PTGFR: variants seen among roughly 807,000 people sequenced by gnomAD.
The protein encoded by PTGFR is prostaglandin F receptor.
Under a neutral mutation model 26.2 loss-of-function variants are expected in PTGFR, and 15 were observed. The ratio of observed to expected loss-of-function variants is 0.57; its 90% confidence interval spans 0.38 to 0.88. PTGFR has a LOEUF of 0.88. Ranked by LOEUF, PTGFR falls within the 40% of genes least tolerant of loss-of-function variation. The pLI, the probability that PTGFR is intolerant of heterozygous loss-of-function variation, is 0.00. For missense variants in PTGFR, 369 were observed against 427.2 expected, an observed-to-expected ratio of 0.86 and a Z score of 1.20; for synonymous variants, 165 against 151.1, an observed-to-expected ratio of 1.09 and a Z score of -0.68.
At chr1:78,528,398 AT>A (rs1174216566) in intron 2 of PTGFR, among the ~76,000 whole-genome samples, 1 of 151,260 alleles carries the variant, frequency 6.6e-6, no homozygotes, top group Non-Finnish European at 1.5e-5. Context: ...AACTGAACTA[AT>A]TTTAGTGAAA....
chr1:78,511,219 C>A (rs965198169), intron 2 of PTGFR, among the ~76,000 whole-genome samples: 11 of 152,180 alleles, frequency 7.2e-5, no homozygotes, highest in Non-Finnish European at 1.3e-4. Context: ...GGGGCTCCAA[C>A]CCAAAACTTT....
intron 2 of PTGFR, among the ~76,000 whole-genome samples, chr1:78,497,512 T>A (rs1349627105): frequency 6.6e-6 from 1 of 152,174 alleles, no homozygotes; most frequent in Non-Finnish European, 1.5e-5. Context: ...TGAGAAACAT[T>A]TTCTCAATAT....
intron 2 of PTGFR, among the ~76,000 whole-genome samples, chr1:78,515,290 C>A (rs1650067585): frequency 6.6e-6 from 1 of 152,048 alleles, no homozygotes; most frequent in Admixed American, 6.5e-5. Context: ...CTATACCACC[C>A]AACCTGAAGA....
rs879522256 is a variant in PTGFR, at chr1:78,493,137, G to A, written c.394G>A (p.Glu132Lys). 6.4e-5 allele frequency: 103 copies of A among 1,614,210 alleles called. No homozygotes were observed. The East Asian group carries it at 2.2e-3, about 35-fold the overall frequency. ...PLLLGSVMAI[E>K]RCIGVTKPIF... ...TCTTCTAGGCAGTGTGATGGCCATT[G>A]AGCGGTGTATTGGAGTCACAAAACC... Residue 132 changes from glutamate to lysine, a missense_variant, in exon 2 of 3, where the codon GAG becomes AAG. Physicochemically the swap from Glu to Lys is moderately conservative, Grantham distance 56 (BLOSUM62 1). Transcript: ENST00000370757.
rs1003504004 is a variant in PTGFR, at chr1:78,497,986, T to C, written c.798+4445T>C. 3.5e-6 allele frequency: 5 copies of C among 1,432,496 alleles called. No individual in the cohort carries two copies. In the African/African-American group the frequency reaches 5.7e-5, roughly 16 times the overall value. The allele number at this position is 1,432,496 out of a possible 1,614,324, so 88.7% of individuals were successfully genotyped here. Reference sequence around the variant, plus strand: ...AATGTGTTCTCTTGCAAATGTAGAATTGGAGCTTGATTTTCCTAAGGTTAC... The same window carrying C: ...AATGTGTTCTCTTGCAAATGTAGAACTGGAGCTTGATTTTCCTAAGGTTAC... On this transcript the variant is annotated intron_variant, in intron 2 of 2. Coordinates refer to ENST00000370757, the MANE Select transcript of PTGFR (RefSeq NM_000959.4).
intron 2 of PTGFR, among the ~76,000 whole-genome samples, chr1:78,495,601 A>C (rs1296594523): frequency 6.6e-6 from 1 of 152,218 alleles, no homozygotes; most frequent in African/African-American, 2.4e-5. Flanking sequence ...TGAGAGACAT[A>C]ATCCGGACAA....
chr1:78,531,065 T>TA (rs1299475885), intron 2 of PTGFR, among the ~76,000 whole-genome samples: 29 of 152,288 alleles, frequency 1.9e-4, no homozygotes, highest in African/African-American at 6.7e-4. Flanking sequence ...CTCCTGTGCC[T>TA]AAGCCACCCC....
At chr1:78,503,069 T>C (rs1649748564) in intron 2 of PTGFR, among the ~76,000 whole-genome samples, 1 of 151,990 alleles carries the variant, frequency 6.6e-6, no homozygotes, top group African/African-American at 2.4e-5. Flanking sequence ...TAAGAACCAA[T>C]GAGAAAATAA....
At chr1:78,515,241 A>G (rs1029090900) in intron 2 of PTGFR, among the ~76,000 whole-genome samples, 16 of 152,290 alleles carry the variant, frequency 1.1e-4, no homozygotes, top group African/African-American at 3.8e-4. Context: ...TGGGTAGAGG[A>G]AGAAAACTGG....
chr1:78,535,053 T>C (rs1650612668), intron 2 of PTGFR, among the ~76,000 whole-genome samples: 1 of 152,156 alleles, frequency 6.6e-6, no homozygotes, highest in African/African-American at 2.4e-5. Flanking sequence ...GCTTGGGCAG[T>C]GCCCTAGTGT....
chr1:78,501,339 C>T (rs1311275366), intron 2 of PTGFR, among the ~76,000 whole-genome samples: 1 of 152,052 alleles, frequency 6.6e-6, no homozygotes, highest in East Asian at 1.9e-4. Flanking sequence ...GTATAGCCAC[C>T]CCAATTTAAC....
intron 2 of PTGFR, among the ~76,000 whole-genome samples, chr1:78,527,966 T>C (rs3737779): frequency 6.6e-6 from 1 of 152,022 alleles, no homozygotes; most frequent in East Asian, 1.9e-4. Context: ...TCCGAAACAG[T>C]TGAAGGATGA....
chr1:78,491,669 C>T (rs1384002915), intron 1 of PTGFR, among the ~76,000 whole-genome samples: 1 of 152,066 alleles, frequency 6.6e-6, no homozygotes, highest in African/African-American at 2.4e-5. Flanking sequence ...GGCCGAAGGG[C>T]GGGGGGGATA....
chr1:78,515,978 G>T (rs998648988), intron 2 of PTGFR, among the ~76,000 whole-genome samples: 6 of 152,068 alleles, frequency 3.9e-5, no homozygotes, highest in African/African-American at 1.4e-4. Flanking sequence ...GTCACATAAG[G>T]ATTTTTAAAA....
intron 2 of PTGFR, among the ~76,000 whole-genome samples, chr1:78,515,390 C>A (rs1650069022): frequency 6.6e-6 from 1 of 152,266 alleles, no homozygotes; most frequent in African/African-American, 2.4e-5. Flanking sequence ...TCAGAAGACT[C>A]AAATATGAAT....
intron 2 of PTGFR, among the ~76,000 whole-genome samples, chr1:78,535,048 G>A (rs1441710083): frequency 6.6e-6 from 1 of 152,134 alleles, no homozygotes; most frequent in African/African-American, 2.4e-5. Context: ...TGAGTGCTTG[G>A]GCAGTGCCCT....
chr1:78,502,824 G>A (rs554279505), intron 2 of PTGFR, among the ~76,000 whole-genome samples: 1 of 152,172 alleles, frequency 6.6e-6, no homozygotes, highest in African/African-American at 2.4e-5. Flanking sequence ...TGTTCATAAT[G>A]TCTATGGCCT....
At chr1:78,523,378 A>G (rs1650293343) in intron 2 of PTGFR, among the ~76,000 whole-genome samples, 1 of 152,100 alleles carries the variant, frequency 6.6e-6, no homozygotes, top group African/African-American at 2.4e-5. Context: ...CACTTTTTAT[A>G]TTATAGAATA....
intron 2 of PTGFR, among the ~76,000 whole-genome samples, chr1:78,500,969 A>G (rs1257935391): frequency 9.2e-5 from 14 of 152,102 alleles, no homozygotes; most frequent in Admixed American, 9.2e-4. Flanking sequence ...ATACTTTGTT[A>G]TTTTAAACTT....
Sources: allele counts gnomAD v4.1 joint callset (sites outside exome capture counted in the v4.1 genomes callset), GRCh38; gene constraint gnomAD v4.1.1; transcripts MANE v1.5; gene names NCBI Gene and HGNC (gene_info 2026-07-23, HGNC 2026-07-21).